RNASEH2B: variants seen among roughly 807,000 people sequenced by gnomAD.
RNASEH2B encodes Aicardi-Goutieres syndrome 2 protein.
RNASEH2B carries 36 observed loss-of-function variants against 45.0 expected under a neutral mutation model. The ratio of observed to expected loss-of-function variants is 0.80; its 90% confidence interval spans 0.61 to 1.06. The LOEUF (loss-of-function observed/expected upper bound fraction) is 1.06. Ranked by LOEUF, RNASEH2B falls within the 50% of genes least tolerant of loss-of-function variation. The pLI is 0.00. For synonymous variants in RNASEH2B, 119 were observed against 125.7 expected (o/e 0.95, Z 0.35); for missense variants, 361 against 360.3 (o/e 1.00, Z -0.02).
intron 1 of RNASEH2B, among the ~76,000 whole-genome samples, chr13:50,921,945 A>T (rs1464165904): frequency 6.6e-6 from 1 of 152,208 alleles, no homozygotes; most frequent in Non-Finnish European, 1.5e-5. Context: ...TAAAAACGGT[A>T]CTTGTAAAAA....
chr13:50,959,008 C>G (rs1458653734), downstream of RNASEH2B, among the ~76,000 whole-genome samples: 1 of 152,136 alleles, frequency 6.6e-6, no homozygotes, highest in Non-Finnish European at 1.5e-5. Flanking sequence ...TTAATGCCAC[C>G]TTGTTAGCAT....
intron 1 of RNASEH2B, among the ~76,000 whole-genome samples, chr13:50,913,595 G>A (rs1272279509): frequency 6.6e-6 from 1 of 152,052 alleles, no homozygotes; most frequent in African/African-American, 2.4e-5. Flanking sequence ...TGATTAAACA[G>A]TCCTGAGGTG....
intron 4 of RNASEH2B, among the ~76,000 whole-genome samples, chr13:50,931,656 C>G (rs1951682812): frequency 6.6e-6 from 1 of 152,078 alleles, no homozygotes; most frequent in Non-Finnish European, 1.5e-5. Context: ...CCCCATACAT[C>G]TTTGTAGTTA....
rs1951926361 is a variant in RNASEH2B, at chr13:50,947,976, GTT to G, written c.617-9_617-8del. 5 of 1,605,392 alleles carry G rather than the reference GTT, an allele frequency of 3.1e-6. No homozygotes were observed. Among genetic ancestry groups the G allele is most frequent in the Non-Finnish European group, 4.2e-6 (5 of 1,177,476 alleles). ...TTTTTTTGCTTTCACTCCTCCTTCT[GTT>G]TCTTTCAGAGGATTATATTCGTTAT... is the stretch of plus-strand genomic sequence containing the variant. On this transcript the variant is annotated splice_polypyrimidine_tract_variant and intron_variant, in intron 7 of 10. Coordinates refer to ENST00000336617, the MANE Select transcript of RNASEH2B (RefSeq NM_024570.4).
At chr13:50,960,109 T>C, downstream of RNASEH2B, 1 of 1,008,002 alleles carries the variant, frequency 9.9e-7, no homozygotes, top group Non-Finnish European at 1.3e-6. Context: ...TGTGTAGATA[T>C]TTTCATTGCT....
chr13:50,951,178 C>G (rs574965533), intron 9 of RNASEH2B: 1 of 152,282 alleles, frequency 6.6e-6, no homozygotes, highest in African/African-American at 2.4e-5. Context: ...AGTTGCTTTT[C>G]GAGGTCTTCT....
At chr13:50,957,558 A>T (rs1206483442), downstream of RNASEH2B, among the ~76,000 whole-genome samples, 1 of 152,132 alleles carries the variant, frequency 6.6e-6, no homozygotes, top group Non-Finnish European at 1.5e-5. Context: ...GCTGTGATGA[A>T]CATACAGGTG....
chr13:50,955,894 A>G (rs2138025698), intron 10 of RNASEH2B: 1 of 162,088 alleles, frequency 6.2e-6, no homozygotes, highest in East Asian at 1.7e-4. Flanking sequence ...GATGCTTTGC[A>G]ACACAAGTCA....
chr13:50,955,230 A>C (rs1296198642), intron 10 of RNASEH2B: 1 of 152,242 alleles, frequency 6.6e-6, no homozygotes, highest in African/African-American at 2.4e-5. Context: ...GATTTTAAAA[A>C]TACTAACTGC....
chr13:50,970,028 C>G, exon 10 of RNASEH2B: 1 of 1,491,146 alleles, frequency 6.7e-7, no homozygotes. Context: ...CCAGAGGACT[C>G]GGACTTTTTC....
intron 10 of RNASEH2B, 85 bp downstream of exon 10, chr13:50,954,070 T>C (rs2138020529): frequency 1.2e-6 from 1 of 829,042 alleles, no homozygotes; most frequent in East Asian, 2.5e-5. Flanking sequence ...GCACGCTTGA[T>C]TGTGATTACA....
chr13:50,945,290 G>A (rs894833912), intron 6 of RNASEH2B, 137 bp from the exon 7 acceptor site: 19 of 671,822 alleles, frequency 2.8e-5, no homozygotes, highest in Admixed American at 2.5e-4. Context: ...ATCTTCTGGT[G>A]TCTGGTGAAG....
intron 10 of RNASEH2B, chr13:50,955,142 G>T (rs979505650): frequency 6.6e-6 from 1 of 152,124 alleles, no homozygotes; most frequent in Non-Finnish European, 1.5e-5. Flanking sequence ...TACAGAAATT[G>T]TTTCCCTTTA....
intron 1 of RNASEH2B, among the ~76,000 whole-genome samples, chr13:50,923,549 A>C (rs1302717916): frequency 6.6e-6 from 1 of 152,198 alleles, no homozygotes; most frequent in African/African-American, 2.4e-5. Flanking sequence ...AAATAAAGAG[A>C]GTCTCAACAA....
At chr13:50,939,406 A>G (rs972424769) in intron 5 of RNASEH2B, among the ~76,000 whole-genome samples, 1 of 151,776 alleles carries the variant, frequency 6.6e-6, no homozygotes, top group Admixed American at 6.6e-5. Flanking sequence ...TATAGTTCCA[A>G]CTATTTGGGA....
intron 2 of RNASEH2B, among the ~76,000 whole-genome samples, chr13:50,928,932 CTTTTTTTTTTT>C (rs35147830): frequency 9.1e-5 from 8 of 87,878 alleles, no homozygotes; most frequent in African/African-American, 3.1e-4. Flanking sequence ...TGCCTCCTCC[CTTTTTTTTTTT>C]TTTTTTTTTT....
intron 9 of RNASEH2B, among the ~76,000 whole-genome samples, chr13:50,962,978 C>T (rs988904524): frequency 5.3e-5 from 8 of 152,092 alleles, no homozygotes; most frequent in African/African-American, 1.7e-4. Flanking sequence ...TTCATGTATG[C>T]TGGAACACTT....
At chr13:50,911,249 C>G (rs1415780863) in intron 1 of RNASEH2B, 1 of 152,132 alleles carries the variant, frequency 6.6e-6, no homozygotes, top group East Asian at 1.9e-4. Context: ...TAAGAGTGTA[C>G]CCTTTGTGTC....
intron 9 of RNASEH2B, among the ~76,000 whole-genome samples, chr13:50,962,690 G>T: frequency 6.6e-6 from 1 of 152,022 alleles, no homozygotes; most frequent in East Asian, 1.9e-4. Flanking sequence ...AGACATCTAT[G>T]ATATTTCTTA....
Sources: gnomAD v4.1 joint callset for allele counts (sites outside exome capture counted in the v4.1 genomes callset) on GRCh38, gnomAD v4.1.1 for gene constraint, MANE v1.5 for transcripts, NCBI Gene and HGNC (gene_info 2026-07-23, HGNC 2026-07-21) for gene names.